The following GNB5 variants were observed in gnomAD, a reference collection of about 807,000 sequenced individuals.
The protein encoded by GNB5 is G protein subunit beta 5, also known as guanine nucleotide-binding protein subunit beta-5.
A neutral mutation model predicts 55.3 loss-of-function variants in GNB5; 37 were observed. The observed-to-expected ratio is 0.67, with a 90% CI of 0.51 to 0.88. The LOEUF is 0.88. Ranked by LOEUF, GNB5 falls within the 40% of genes least tolerant of loss-of-function variation. The pLI is 0.00. For synonymous variants in GNB5, 219 were observed against 198.5 expected (o/e 1.10, Z -0.87); for missense variants, 476 against 515.3 (o/e 0.92, Z 0.74).
chr15:52,167,884 A>C (rs930405552), intron 3 of GNB5, among the ~76,000 whole-genome samples: 9 of 152,192 alleles, frequency 5.9e-5, no homozygotes, highest in Non-Finnish European at 1.3e-4. Flanking sequence ...TCATATAAAA[A>C]AAACTAAAGA....
Position 52,135,690 on chromosome 15 carries a change from T to A in GNB5, c.694A>T (p.Ser232Cys). ...ACGTCAGCCCCATGTCCGTGGAAGC[T>A]CTGCAGCAGCTGCCCGCTCTCCACG... ...WDVESGQLLQ[S>C]FHGHGADVLC... The change falls in exon 8 of 13, where the codon AGC (serine) becomes TGC (cysteine). Residue 232 changes from serine (S) to cysteine (C), a missense_variant. Physicochemically the swap from Ser to Cys is moderately radical, Grantham distance 112. Coordinates refer to ENST00000261837, the MANE Select transcript of GNB5 (RefSeq NM_016194.4). 1 of 1,613,002 alleles carries A rather than the reference T, an allele frequency of 6.2e-7. No individual in the cohort carries two copies. Among genetic ancestry groups the A allele is most frequent in the Non-Finnish European group, 8.5e-7 (1 of 1,179,686 alleles).
intron 3 of GNB5, among the ~76,000 whole-genome samples, chr15:52,179,414 G>C (rs2034717408): frequency 6.6e-6 from 1 of 152,124 alleles, no homozygotes; most frequent in Admixed American, 6.5e-5. Flanking sequence ...GCGCTCGCTC[G>C]TCACCACCGA....
intron 4 of GNB5, 84 bp downstream of exon 4, chr15:52,153,856 G>C (rs948799535): frequency 8.4e-7 from 1 of 1,185,358 alleles, no homozygotes; most frequent in African/African-American, 1.5e-5. Flanking sequence ...ATCAGAAAAG[G>C]GCTTTTGGAA....
Position 52,157,084 on chromosome 15 carries a change from C to T in GNB5, c.239-3008G>A, listed in dbSNP as rs140741606. On this transcript the variant is annotated intron_variant, in intron 3 of 12. Transcript: ENST00000261837. Reference sequence around the variant, plus strand: ...CCAAGTAGCTAGGACTACAGGCGCCCGCCACCACTCCTGGCTAATTTTTTG... The same window carrying T: ...CCAAGTAGCTAGGACTACAGGCGCCTGCCACCACTCCTGGCTAATTTTTTG... 1.1e-3 allele frequency among the ~76,000 whole-genome samples: 170 copies of T among 149,044 alleles called. 5 individuals carry two copies. In the East Asian group the frequency reaches 0.027, roughly 24 times the overall value.
intron 6 of GNB5, among the ~76,000 whole-genome samples, chr15:52,145,414 C>A (rs2033950000): frequency 6.6e-6 from 1 of 151,374 alleles, no homozygotes; most frequent in African/African-American, 2.4e-5. Context: ...CTGAGGCAGG[C>A]AGATCACTTG....
At chr15:52,174,853 G>A (rs917952832) in intron 3 of GNB5, among the ~76,000 whole-genome samples, 4 of 151,992 alleles carry the variant, frequency 2.6e-5, no homozygotes, top group African/African-American at 7.3e-5. Flanking sequence ...AGGCTGAGGC[G>A]GGTGGATCAC....
Position 52,122,556 on chromosome 15 carries a change from C to T in GNB5, c.*201G>A. On this transcript the variant is annotated 3_prime_UTR_variant, in exon 13 of 13. Transcript: ENST00000261837. ...AATACTGTACTTGAAGGTATTCTCG[C>T]AGTGCTGAAGGCTCACACTAGTGTA... is the stretch of plus-strand genomic sequence containing the variant. 1.8e-6 allele frequency: 1 copy of T among 556,972 alleles called. No homozygotes were observed. The highest frequency in any genetic ancestry group is 1.9e-5 in the African/African-American group (1 of 53,276). The allele number at this position is 556,972 out of a possible 1,614,324, so 34.5% of individuals were successfully genotyped here. A position where few individuals can be genotyped will look rare whatever the true frequency, so the allele number is the denominator to read the frequency against.
chr15:52,180,735 C>A (rs2034755409), intron 2 of GNB5: 1 of 152,206 alleles, frequency 6.6e-6, no homozygotes, highest in Non-Finnish European at 1.5e-5. Context: ...TTAGCGACTT[C>A]TGTCAGACTG....
At chr15:52,179,702 C>G (rs900570777) in intron 3 of GNB5, 66 bp downstream of exon 3, 3 of 1,003,260 alleles carry the variant, frequency 3.0e-6, no homozygotes, top group Non-Finnish European at 4.0e-6. Flanking sequence ...ACCGCCCCCG[C>G]CGTCCCCGCC....
intron 10 of GNB5, among the ~76,000 whole-genome samples, chr15:52,127,805 T>C (rs187231904): frequency 1.4e-3 from 165 of 119,992 alleles, no homozygotes; most frequent in Admixed American, 3.7e-3. Flanking sequence ...TATAGTAGTG[T>C]TTTTAACAGA....
chr15:52,189,413 A>G (rs1421376743), intron 1 of GNB5, among the ~76,000 whole-genome samples: 3 of 151,984 alleles, frequency 2.0e-5, no homozygotes, highest in Admixed American at 6.6e-5. Flanking sequence ...GTGAAACCCC[A>G]TATCTACTAT....
intron 3 of GNB5, among the ~76,000 whole-genome samples, chr15:52,164,749 G>A (rs756525125): frequency 6.6e-6 from 1 of 152,150 alleles, no homozygotes; most frequent in Admixed American, 6.5e-5. Flanking sequence ...AGCCCACCAA[G>A]ATGAGAAAGA....
rs1361465723 is a variant in GNB5, at chr15:52,120,554, C to G, written c.*2203G>C. On this transcript the variant is annotated 3_prime_UTR_variant, in exon 13 of 13. Transcript: ENST00000261837. ...AACATGGAACCTGGAATGTGCTTCC[C>G]TGGGCCACCTTTCCTTCCTTTCTCG... 1 of 152,324 alleles carries G rather than the reference C, an allele frequency of 6.6e-6. No homozygotes were observed. The allele number at this position is 152,324 out of a possible 1,614,324, so 9.4% of individuals were successfully genotyped here. A position where few individuals can be genotyped will look rare whatever the true frequency, so the allele number is the denominator to read the frequency against.
At chr15:52,154,115 A>G in intron 3 of GNB5, 39 bp from the exon 4 acceptor site, 1 of 1,602,206 alleles carries the variant, frequency 6.2e-7, no homozygotes, top group Non-Finnish European at 8.5e-7. Flanking sequence ...CTTGCTAAGG[A>G]CCAGGTTCTG....
At chr15:52,136,323 T>C (rs898487715) in intron 7 of GNB5, among the ~76,000 whole-genome samples, 3 of 152,122 alleles carry the variant, frequency 2.0e-5, no homozygotes, top group African/African-American at 7.2e-5. Flanking sequence ...TGGTGGTACC[T>C]ACAGGGCTCT....
chr15:52,133,589 CTT>C (rs1437483750), intron 8 of GNB5, 120 bp from the exon 9 acceptor site: 1 of 678,218 alleles, frequency 1.5e-6, no homozygotes, highest in East Asian at 2.7e-5. Context: ...TGACAACACA[CTT>C]TTCTGAGACT....
intron 5 of GNB5, among the ~76,000 whole-genome samples, chr15:52,149,057 T>G (rs779032526): frequency 2.0e-5 from 3 of 152,218 alleles, no homozygotes; most frequent in Non-Finnish European, 4.4e-5. Context: ...TGCAGATTGC[T>G]GTCATTTTTA....
intron 3 of GNB5, among the ~76,000 whole-genome samples, chr15:52,155,539 C>T (rs565915886): frequency 6.6e-6 from 1 of 152,344 alleles, no homozygotes; most frequent in Admixed American, 6.5e-5. Flanking sequence ...AATCTACAGA[C>T]TTATTGAGAT....
chr15:52,161,109 G>A (rs971823707), intron 3 of GNB5, among the ~76,000 whole-genome samples: 3 of 152,178 alleles, frequency 2.0e-5, no homozygotes, highest in African/African-American at 7.2e-5. Flanking sequence ...TTCTACAGAT[G>A]AGGAGCCTGG....
Sources: gnomAD v4.1 joint callset for allele counts (sites outside exome capture counted in the v4.1 genomes callset) on GRCh38, gnomAD v4.1.1 for gene constraint, MANE v1.5 for transcripts, NCBI Gene and HGNC (gene_info 2026-07-23, HGNC 2026-07-21) for gene names.